The following AKR1C2 variants were observed in gnomAD, a reference collection of about 807,000 sequenced individuals.
AKR1C2 encodes 3-alpha-HSD3.
Under a neutral mutation model 39.8 loss-of-function variants are expected in AKR1C2, and 27 were observed. That is an observed-to-expected ratio of 0.68 (90% confidence interval 0.50 to 0.93). The LOEUF (loss-of-function observed/expected upper bound fraction) is 0.93. Ranked by LOEUF, AKR1C2 falls within the 40% of genes least tolerant of loss-of-function variation. The pLI is 0.00. For missense variants in AKR1C2, 263 were observed against 365.1 expected (o/e 0.72, Z 2.28); for synonymous variants, 114 against 137.9 (o/e 0.83, Z 1.22).
rs149149302 is a variant in AKR1C2, at chr10:4,997,969, C to T, written c.570+656G>A. ...TGCATGACAGACTCCAAAAAGCAGC[C>T]GACTAGGAGCGGGGCAGTCATAGGT... On this transcript the variant is annotated intron_variant, in intron 5 of 8. Transcript: ENST00000380753. 8.5e-4 allele frequency among the ~76,000 whole-genome samples: 130 copies of T among 152,242 alleles called. 2 individuals carry two copies. In the East Asian group the frequency reaches 0.021, roughly 25 times the overall value.
intron 5 of AKR1C2, among the ~76,000 whole-genome samples, chr10:4,996,342 A>T (rs1474670508): frequency 2.2e-4 from 34 of 151,720 alleles, no homozygotes; most frequent in Non-Finnish European, 3.8e-4. Flanking sequence ...ATATCTATAT[A>T]GATGAACTAG....
At chr10:5,016,780 A>T (rs1323865032) in intron 1 of AKR1C2, among the ~76,000 whole-genome samples, 4 of 152,190 alleles carry the variant, frequency 2.6e-5, no homozygotes, top group Non-Finnish European at 5.9e-5. Flanking sequence ...GTTCTCCATG[A>T]GTGTTCCACC....
intron 7 of AKR1C2, among the ~76,000 whole-genome samples, chr10:4,995,118 T>C (rs184179212): frequency 1.6e-4 from 17 of 107,636 alleles, no homozygotes; most frequent in Non-Finnish European, 3.8e-5. Context: ...TCTGTAGTTT[T>C]GATCCCATCC....
intron 5 of AKR1C2, chr10:4,997,344 A>G (rs1267688311): frequency 1.3e-5 from 2 of 152,386 alleles, no homozygotes; most frequent in Non-Finnish European, 2.9e-5. Flanking sequence ...TATTTTGATT[A>G]AGCAATGAAA....
intron 1 of AKR1C2, among the ~76,000 whole-genome samples, chr10:5,017,727 A>G (rs1837671116): frequency 6.6e-6 from 1 of 152,294 alleles, no homozygotes; most frequent in East Asian, 1.9e-4. Context: ...ATTTTCAGGT[A>G]TCTTTATATC....
chr10:4,996,792 AG>A (rs1837067192), intron 5 of AKR1C2, among the ~76,000 whole-genome samples: 1 of 152,046 alleles, frequency 6.6e-6, no homozygotes, highest in Non-Finnish European at 1.5e-5. Flanking sequence ...TTACTTGGTG[AG>A]AAATTATTTT....
chr10:4,997,871 T>G, intron 5 of AKR1C2, among the ~76,000 whole-genome samples: 1 of 152,182 alleles, frequency 6.6e-6, no homozygotes. Flanking sequence ...CAGTCAGGAC[T>G]CAAGGAAAAG....
At chr10:5,017,438 A>C (rs1262711626) in intron 1 of AKR1C2, among the ~76,000 whole-genome samples, 2 of 152,194 alleles carry the variant, frequency 1.3e-5, no homozygotes, top group Admixed American at 1.3e-4. Context: ...ACTCAAGCTC[A>C]AAGTGACACA....
chr10:4,998,813 A>G, intron 4 of AKR1C2, 66 bp from the exon 5 acceptor site: 2 of 1,600,660 alleles, frequency 1.2e-6, no homozygotes, highest in South Asian at 1.1e-5. Context: ...AATGTAACAT[A>G]GAACTGTGAA....
chr10:4,999,073 A>G (rs1837165948), intron 4 of AKR1C2, 127 bp downstream of exon 4: 2 of 1,570,162 alleles, frequency 1.3e-6, no homozygotes, highest in East Asian at 2.3e-5. Flanking sequence ...GCTCACAAAA[A>G]CTACCTTTGT....
Position 5,000,694 on chromosome 10 carries a change from G to A in AKR1C2, c.253-28C>T, listed in dbSNP as rs1361095794. ...GCAGAGGTTAGAGAAACGAAGTTGT[G>A]TAATGAAAACTTGAGCCAGTTTTAC... On this transcript the variant is annotated intron_variant, in intron 2 of 8. Coordinates refer to ENST00000380753, the MANE Select transcript of AKR1C2 (RefSeq NM_001393392.1). The A allele has an allele frequency of 3.1e-6, 5 of 1,594,452 alleles. No homozygotes were observed. The African/African-American group carries it at 4.1e-5, about 13-fold the overall frequency.
chr10:5,016,969 C>A (rs1306102476), intron 1 of AKR1C2, among the ~76,000 whole-genome samples: 1 of 152,196 alleles, frequency 6.6e-6, no homozygotes, highest in Non-Finnish European at 1.5e-5. Context: ...GTATCTGAGG[C>A]CCTTTTAGCC....
chr10:5,016,298 G>A (rs35264282), intron 1 of AKR1C2, among the ~76,000 whole-genome samples: 39,083 of 151,840 alleles, frequency 0.26, 5,274 homozygotes, highest in Non-Finnish European at 0.3. Flanking sequence ...TTCCAACTAT[G>A]AGTCATAAAA....
At chr10:5,016,138 C>G (rs552569973) in intron 1 of AKR1C2, among the ~76,000 whole-genome samples, 1 of 152,236 alleles carries the variant, frequency 6.6e-6, no homozygotes, top group Admixed American at 6.5e-5. Context: ...CAAACCATAT[C>G]ACTCCGCCCC....
intron 7 of AKR1C2, among the ~76,000 whole-genome samples, chr10:4,994,992 C>A (rs1836981147): frequency 1.1e-5 from 1 of 94,036 alleles, no homozygotes; most frequent in Non-Finnish European, 2.1e-5. Context: ...GAAGAAAAAT[C>A]CGCCATGAGT....
intron 1 of AKR1C2, among the ~76,000 whole-genome samples, chr10:5,002,124 A>AT (rs1273021581): frequency 6.6e-6 from 1 of 152,238 alleles, no homozygotes; most frequent in Non-Finnish European, 1.5e-5. Context: ...TTTATCCAGC[A>AT]TCATATTTTG....
chr10:5,002,143 T>C (rs1226100190), intron 1 of AKR1C2, among the ~76,000 whole-genome samples: 1 of 152,250 alleles, frequency 6.6e-6, no homozygotes, highest in East Asian at 1.9e-4. Context: ...TGTCAATGTA[T>C]GTGAACTGTT....
chr10:4,990,795 T>C (rs1374849124), intron 8 of AKR1C2, among the ~76,000 whole-genome samples: 2 of 152,050 alleles, frequency 1.3e-5, no homozygotes, highest in Non-Finnish European at 2.9e-5. Context: ...ACACTAGTGA[T>C]TGATTTCATG....
chr10:5,015,049 C>T (rs2131732389), intron 1 of AKR1C2: 1 of 152,330 alleles, frequency 6.6e-6, no homozygotes, highest in African/African-American at 2.4e-5. Context: ...GACTAGGCTG[C>T]TTCTGTCCAC....
Sources: gnomAD v4.1 joint callset for allele counts (sites outside exome capture counted in the v4.1 genomes callset) on GRCh38, gnomAD v4.1.1 for gene constraint, MANE v1.5 for transcripts, NCBI Gene and HGNC (gene_info 2026-07-23, HGNC 2026-07-21) for gene names.